The following SPINDOC variants were observed in gnomAD, a reference collection of about 807,000 sequenced individuals.
The protein encoded by SPINDOC is spindlin interactor and repressor of chromatin binding.
A neutral mutation model predicts 30.7 loss-of-function variants in SPINDOC; 13 were observed. The ratio of observed to expected loss-of-function variants is 0.42; its 90% CI spans 0.28 to 0.67. The LOEUF is 0.67. Among genes scored for constraint, SPINDOC ranks in the 30% least tolerant of loss-of-function variants. The pLI, the probability that SPINDOC is intolerant of heterozygous loss-of-function variation, is 0.22. For synonymous variants in SPINDOC, 228 were observed against 211.4 expected, an observed-to-expected ratio of 1.08 and a Z score of -0.68; for missense variants, 438 against 518.0, an observed-to-expected ratio of 0.85 and a Z score of 1.50.
In SPINDOC at chr11:63,822,859, G is replaced by A. The variant is rs568052155; in HGVS notation, c.934+3857G>A. The A allele has an allele frequency of 4.7e-6, 6 of 1,289,230 alleles. No individual in the cohort carries two copies. In the East Asian group the frequency reaches 1.7e-4, roughly 36 times the overall value. 79.9% of individuals were successfully genotyped at this position (1,289,230 alleles called of 1,614,324 possible). ...CATCTATCTGGAGTGGTGAGTAGAT[G>A]AGAAGAGAATCCCTGAGATTCTAGG... On this transcript the variant is annotated intron_variant, in intron 5 of 5. Transcript: ENST00000294244.
Position 63,818,863 on chromosome 11 carries a change from C to T in SPINDOC, c.795C>T (p.Phe265=). Residue 265 remains phenylalanine (F), a synonymous_variant, in exon 5 of 6, where the codon TTC becomes TTT. Coordinates refer to ENST00000294244, the MANE Select transcript of SPINDOC (RefSeq NM_138471.3). This position sits in a 1 kb window ranked among gnomAD's most constrained non-coding sequence, Gnocchi z 5.3. ...TFAAPAEVRH[F]TDGSFPAGFV... is the part of the protein sequence containing the mutation. ...CAGCACCAGCCGAGGTCCGACACTT[C>T]ACTGACGGCAGCTTCCCCGCCGGCT... The T allele has an allele frequency of 6.2e-7, 1 of 1,614,152 alleles. No homozygotes were observed.
chr11:63,826,968 T>C lies in SPINDOC; in HGVS notation c.975T>C (p.Val325=). 6.2e-7 allele frequency: 1 copy of C among 1,601,228 alleles called. No individual in the cohort carries two copies. Among genetic ancestry groups the C allele is most frequent in the East Asian group, 2.2e-5 (1 of 44,792 alleles). The change falls in exon 6 of 6, where the codon GTT becomes GTC. Residue 325 remains valine, a synonymous_variant. Transcript: ENST00000294244. Reference sequence around the variant, plus strand: ...TCCGCGGGACACTGGATCTCCAGGTTATCCGCGTGCGGATGGAGGAGCCCC... The same window carrying C: ...TCCGCGGGACACTGGATCTCCAGGTCATCCGCGTGCGGATGGAGGAGCCCC... The part of the protein sequence containing the change: ...PGLRGTLDLQ[V]IRVRMEEPPA...
chr11:63,826,648 C>T (rs886411523), intron 5 of SPINDOC, among the ~76,000 whole-genome samples: 7 of 152,296 alleles, frequency 4.6e-5, no homozygotes, highest in Admixed American at 1.3e-4. Flanking sequence ...GAGCACCAGG[C>T]GTCCCTGTGC....
At chr11:63,820,905 A>AC (rs1554969412) in intron 5 of SPINDOC, among the ~76,000 whole-genome samples, 8 of 148,812 alleles carry the variant, frequency 5.4e-5, no homozygotes, top group South Asian at 2.1e-4. Flanking sequence ...AAAAAAAAAA[A>AC]AACAACACAC....
intron 5 of SPINDOC, among the ~76,000 whole-genome samples, chr11:63,825,886 A>G (rs148826551): frequency 6.6e-6 from 1 of 152,256 alleles, no homozygotes; most frequent in Non-Finnish European, 1.5e-5. Context: ...CCTTCCCAAT[A>G]TAGACAGTGC....
chr11:63,821,690 T>C (rs2015524560), intron 5 of SPINDOC, among the ~76,000 whole-genome samples: 2 of 152,194 alleles, frequency 1.3e-5, no homozygotes, highest in Admixed American at 6.5e-5. Context: ...ACTAGAGCCA[T>C]AGAATGATGG....
rs1477700552 is a variant in SPINDOC, at chr11:63,827,291, G to A, written c.*152G>A. ...GGGGCAGCATCCACTGTTATTTCGGGGCACTGGAAAGTGTCTGTTCCTGGC... is the reference window on the plus strand; with the variant it reads ...GGGGCAGCATCCACTGTTATTTCGGAGCACTGGAAAGTGTCTGTTCCTGGC... On this transcript the variant is annotated 3_prime_UTR_variant, in exon 6 of 6. Transcript: ENST00000294244. The A allele has an allele frequency of 1.4e-6, 2 of 1,382,428 alleles. No homozygotes were observed. Among genetic ancestry groups the A allele is most frequent in the Non-Finnish European group, 9.7e-7 (1 of 1,031,438 alleles). 85.6% of individuals were successfully genotyped at this position (1,382,428 alleles called of 1,614,324 possible).
rs2015415314 is a variant in SPINDOC at position 63,818,559 on chromosome 11, C to G, written c.640C>G (p.Pro214Ala). Reference protein sequence around the residue: ...VPATEPGNKKPRGQRWKEPPG... With the variant: ...VPATEPGNKKARGQRWKEPPG... ...TGCCACAGAGCCAGGAAATAAGAAGCCCCGTGGTCAGAGATGGAAGGAACC... is the reference window on the plus strand; with the variant it reads ...TGCCACAGAGCCAGGAAATAAGAAGGCCCGTGGTCAGAGATGGAAGGAACC... The change falls in exon 4 of 6, where the codon CCC becomes GCC. Residue 214 changes from proline to alanine, a missense_variant. By Grantham distance (27) the Pro-to-Ala change is conservative. Coordinates refer to ENST00000294244, the MANE Select transcript of SPINDOC (RefSeq NM_138471.3). This position sits in a 1 kb window ranked among gnomAD's most constrained non-coding sequence, Gnocchi z 5.3. The G allele has an allele frequency of 1.9e-6, 3 of 1,613,180 alleles. No homozygotes were observed. The highest frequency in any genetic ancestry group is 1.7e-5 in the Admixed American group (1 of 59,990).
At position 63,823,362 on chromosome 11, in the gene SPINDOC, T is replaced by G; in HGVS notation, c.935-3566T>G. 3.4e-6 allele frequency: 4 copies of G among 1,178,754 alleles called. No homozygotes were observed. The South Asian group carries it at 6.6e-5, about 19-fold the overall frequency. 73.0% of individuals were successfully genotyped at this position (1,178,754 alleles called of 1,614,324 possible). A position where few individuals can be genotyped will look rare whatever the true frequency, so the allele number is the denominator to read the frequency against. On this transcript the variant is annotated intron_variant, in intron 5 of 5. Transcript: ENST00000294244. ...TTATTTAAATAAAGATCCTGCCACT[T>G]TAAAAAAAATTAGAGGTGTAAAAAT...
chr11:63,825,267 C>T (rs1412629401), intron 5 of SPINDOC, among the ~76,000 whole-genome samples: 8 of 152,196 alleles, frequency 5.3e-5, no homozygotes, highest in Admixed American at 3.3e-4. Context: ...TCCCGCTCCC[C>T]GCACAGGCAC....
intron 5 of SPINDOC, among the ~76,000 whole-genome samples, chr11:63,821,272 G>A (rs1214884892): frequency 6.6e-6 from 1 of 152,140 alleles, no homozygotes; most frequent in Non-Finnish European, 1.5e-5. Flanking sequence ...GGCTAGTAGA[G>A]TCTTTCTCAG....
intron 5 of SPINDOC, among the ~76,000 whole-genome samples, chr11:63,820,857 T>A (rs2015497109): frequency 8.5e-6 from 1 of 118,200 alleles, no homozygotes; most frequent in African/African-American, 3.1e-5. Flanking sequence ...GCCACTGCAC[T>A]CCAGCCTGGG....
At chr11:63,824,215 T>G (rs911836395) in intron 5 of SPINDOC, among the ~76,000 whole-genome samples, 2 of 152,188 alleles carry the variant, frequency 1.3e-5, no homozygotes, top group Non-Finnish European at 2.9e-5. Context: ...TGGCCGGTCC[T>G]TCTCTTTATG....
chr11:63,820,353 G>A (rs1450056510), intron 5 of SPINDOC, among the ~76,000 whole-genome samples: 1 of 147,810 alleles, frequency 6.8e-6, no homozygotes, highest in Non-Finnish European at 1.5e-5. Flanking sequence ...AGCCGAGATT[G>A]CGCCACTGCA....
Position 63,818,937 on chromosome 11 carries a change from A to G in SPINDOC, c.869A>G (p.Lys290Arg), listed in dbSNP as rs533857629. Residue 290 changes from lysine (K) to arginine (R), a missense_variant, in exon 5 of 6, where the codon AAG becomes AGG. By Grantham distance (26) the Lys-to-Arg change is conservative. This residue lies in a region of SPINDOC where 300 missense variants were observed against 332.8 expected (regional missense o/e 0.90). Coordinates refer to ENST00000294244, the MANE Select transcript of SPINDOC (RefSeq NM_138471.3). The surrounding 1 kb of genome is among the most constrained non-coding windows in gnomAD (Gnocchi z 5.3). ...ACCCAGCTCAGGGGCCCAGACAGCA[A>G]GGACTCACCCAAAGACAGGGAAGTG... ...SHTQLRGPDS[K>R]DSPKDREVAE... 4 of 1,614,198 alleles carry G rather than the reference A, an allele frequency of 2.5e-6. No individual in the cohort carries two copies. The highest frequency in any genetic ancestry group is 4.5e-5 in the East Asian group (2 of 44,876).
rs201867077 is a variant in SPINDOC at position 63,817,983 on chromosome 11, G to A, written c.306G>A (p.Ser102=). 111 of 1,614,136 alleles carry A rather than the reference G, an allele frequency of 6.9e-5. No individual in the cohort carries two copies. Among genetic ancestry groups the A allele is most frequent in the South Asian group, 2.4e-4 (22 of 91,082 alleles). ...GTGGCGCTGAGATCCGGGCACCCTC[G>A]GCCGACACAGCTCGCTCGCACATCT... The part of the protein sequence containing the change: ...MVCGAEIRAP[S]ADTARSHILE... The change falls in exon 2 of 6, where the codon TCG becomes TCA. Residue 102 remains serine (S), a synonymous_variant. Coordinates refer to ENST00000294244, the MANE Select transcript of SPINDOC (RefSeq NM_138471.3).
At chr11:63,817,717 C>A (rs2015379634) in intron 1 of SPINDOC, 88 bp from the exon 2 acceptor site, 2 of 1,207,944 alleles carry the variant, frequency 1.7e-6, no homozygotes, top group African/African-American at 1.5e-5. Context: ...TCCCCCATCC[C>A]ACTCAAACCA....
At chr11:63,823,828 G>C (rs2135158017) in intron 5 of SPINDOC, among the ~76,000 whole-genome samples, 1 of 152,032 alleles carries the variant, frequency 6.6e-6, no homozygotes, top group Non-Finnish European at 1.5e-5. Flanking sequence ...TCGATCTCCT[G>C]ACCTCGTGAT....
chr11:63,820,674 G>A (rs1226865524), intron 5 of SPINDOC, among the ~76,000 whole-genome samples: 1 of 151,188 alleles, frequency 6.6e-6, no homozygotes, highest in East Asian at 2.0e-4. Flanking sequence ...GGCGGATCAC[G>A]AGGTCAGGAG....
Sources: allele counts gnomAD v4.1 joint callset (sites outside exome capture counted in the v4.1 genomes callset), GRCh38; gene constraint gnomAD v4.1.1; regional missense constraint gnomAD v4.1.1; non-coding constraint Gnocchi (gnomAD v3.1); transcripts MANE v1.5; gene names NCBI Gene and HGNC (gene_info 2026-07-23, HGNC 2026-07-21).